Variants in SF3A2 observed in about 807,000 individuals in gnomAD.
SF3A2 encodes the protein SAP 62.
Under a neutral mutation model 31.1 loss-of-function variants are expected in SF3A2, and 5 were observed. The ratio of observed to expected loss-of-function variants is 0.16; its 90% CI spans 0.08 to 0.34. The LOEUF is 0.34. Ranked by LOEUF, SF3A2 falls within the 10% of genes least tolerant of loss-of-function variation. The pLI, the probability that SF3A2 is intolerant of heterozygous loss-of-function variation, is 1.00. For synonymous variants in SF3A2, 365 were observed against 263.7 expected, an observed-to-expected ratio of 1.38 and a Z score of -3.72; for missense variants, 577 against 643.9, an observed-to-expected ratio of 0.90 and a Z score of 1.13.
chr19:2,244,693 C>T (rs117374034), intron 3 of SF3A2, 40 bp from the exon 4 acceptor site: 18,094 of 1,613,174 alleles, frequency 0.011, 114 homozygotes, highest in Non-Finnish European at 0.014. Context: ...TGTGTCTGTC[C>T]GCCCGGCCTC....
At chr19:2,244,836 T>G in intron 4 of SF3A2, 57 bp downstream of exon 4, 1 of 1,521,552 alleles carries the variant, frequency 6.6e-7, no homozygotes, top group Non-Finnish European at 9.0e-7. Context: ...GGCTCAAGTC[T>G]CTGTGAGCCT....
rs200207147 is a variant in SF3A2, at chr19:2,246,870, G to C, written c.406-12G>C. On this transcript the variant is annotated splice_polypyrimidine_tract_variant and intron_variant, in intron 6 of 8. Transcript: ENST00000221494. The surrounding 1 kb of genome is among the most constrained non-coding windows in gnomAD (Gnocchi z 5.5). ...CAAGAGGCGGCTCTGCCACCCGGCC[G>C]TGTCCCTGCAGATTGACTACCCTGA... is the stretch of plus-strand genomic sequence containing the variant. The C allele has an allele frequency of 1.9e-5, 31 of 1,612,382 alleles. No individual in the cohort carries two copies. Among genetic ancestry groups the C allele is most frequent in the Non-Finnish European group, 2.5e-5 (29 of 1,179,474 alleles).
chr19:2,237,824 C>G (rs1273423986), intron 1 of SF3A2: 3 of 152,170 alleles, frequency 2.0e-5, no homozygotes, highest in African/African-American at 7.2e-5. Flanking sequence ...TGCAGGTGCA[C>G]CCCGCTGTGA....
intron 1 of SF3A2, among the ~76,000 whole-genome samples, chr19:2,240,172 C>T (rs1440220619): frequency 6.6e-6 from 1 of 152,210 alleles, no homozygotes; most frequent in Non-Finnish European, 1.5e-5. Context: ...GGAAAAGACT[C>T]CTGGCCTCCC....
At position 2,245,920 on chromosome 19, in the gene SF3A2, G is replaced by T. The variant is rs1392674438; in HGVS notation, c.355+365G>T. ...CTTGAAGCCTTTGAAGGAGGACAGG[G>T]AGAAGCGGCTGTTAGAGGCAGCTCC... On this transcript the variant is annotated intron_variant, in intron 5 of 8. Coordinates refer to ENST00000221494, the MANE Select transcript of SF3A2 (RefSeq NM_007165.5). This position sits in a 1 kb window ranked among gnomAD's most constrained non-coding sequence, Gnocchi z 4.2. 1 of 266,214 alleles carries T rather than the reference G, an allele frequency of 3.8e-6. No individual in the cohort carries two copies. The highest frequency in any genetic ancestry group is 7.3e-6 in the Non-Finnish European group (1 of 137,470). 16.5% of individuals were successfully genotyped at this position (266,214 alleles called of 1,614,324 possible).
At chr19:2,239,072 C>G (rs2145005804) in intron 1 of SF3A2, among the ~76,000 whole-genome samples, 1 of 152,268 alleles carries the variant, frequency 6.6e-6, no homozygotes, top group Non-Finnish European at 1.5e-5. Flanking sequence ...GATTGAAAAT[C>G]TGTATTTGTA....
At chr19:2,243,714 C>T (rs1455481747) in intron 2 of SF3A2, among the ~76,000 whole-genome samples, 170 bp downstream of exon 2, 1 of 152,238 alleles carries the variant, frequency 6.6e-6, no homozygotes, top group Non-Finnish European at 1.5e-5. Flanking sequence ...ATCTGTCCAC[C>T]CCAGAGAGCA....
At chr19:2,237,359 A>G (rs2024835525) in intron 1 of SF3A2, 2 of 147,210 alleles carry the variant, frequency 1.4e-5, no homozygotes, top group Non-Finnish European at 3.0e-5. Flanking sequence ...GTGAGCCATG[A>G]TCCCACCACT....
intron 7 of SF3A2, 130 bp from the exon 8 acceptor site, chr19:2,247,464 T>G: frequency 1.2e-6 from 1 of 864,518 alleles, no homozygotes. Context: ...CCCACGAAAG[T>G]CTTACCAGCC....
In SF3A2 at chr19:2,243,475, C is replaced by T. The variant is rs1181186725; in HGVS notation, c.57C>T (p.Ser19=). The part of the protein sequence containing the change: ...GKTGSGGVAS[S]SESNRDRRER... ...CCGGGAGCGGGGGCGTGGCCTCCTCCTCCGAGAGCAACCGTGACCGCAGGG... is the reference window on the plus strand; with the variant it reads ...CCGGGAGCGGGGGCGTGGCCTCCTCTTCCGAGAGCAACCGTGACCGCAGGG... Residue 19 remains serine, a synonymous_variant, in exon 2 of 9, where the codon TCC becomes TCT. Coordinates refer to ENST00000221494, the MANE Select transcript of SF3A2 (RefSeq NM_007165.5). 2.6e-6 allele frequency: 4 copies of T among 1,554,336 alleles called. No homozygotes were observed. The East Asian group carries it at 7.5e-5, about 29-fold the overall frequency.
intron 3 of SF3A2, 29 bp from the exon 4 acceptor site, chr19:2,244,704 G>T (rs766811538): frequency 6.2e-7 from 1 of 1,613,860 alleles, no homozygotes; most frequent in South Asian, 1.1e-5. Flanking sequence ...GCCCGGCCTC[G>T]AGTCATGCGT....
Position 2,248,214 on chromosome 19 carries a change from C to T in SF3A2, c.1063C>T (p.Pro355Ser). ...AGCCCCCGGAGTCCACCCACCAGCC[C>T]CTGGGGTTCACCCACCAGCCCCAGG... The part of the protein sequence containing the change: ...PPAPGVHPPA[P>S]GVHPPAPGVH... Residue 355 changes from proline to serine, a missense_variant, in exon 9 of 9, where the codon CCT becomes TCT. By Grantham distance (74) the Pro-to-Ser change is moderately conservative. Coordinates refer to ENST00000221494, the MANE Select transcript of SF3A2 (RefSeq NM_007165.5). 2 of 1,469,016 alleles carry T rather than the reference C, an allele frequency of 1.4e-6. No individual in the cohort carries two copies. The highest frequency in any genetic ancestry group is 1.3e-5 in the South Asian group (1 of 77,672). The allele number at this position is 1,469,016 out of a possible 1,614,324, so 91.0% of individuals were successfully genotyped here. A position where few individuals can be genotyped will look rare whatever the true frequency, so the allele number is the denominator to read the frequency against.
At chr19:2,247,089 G>T in intron 7 of SF3A2, 67 bp downstream of exon 7, 1 of 1,553,102 alleles carries the variant, frequency 6.4e-7, no homozygotes, top group Non-Finnish European at 8.6e-7. Flanking sequence ...TGCATAGGCT[G>T]GGCAGGATGC....
chr19:2,248,153 T>A lies in SF3A2; in HGVS notation c.1002T>A (p.Pro334=). 1 of 1,335,312 alleles carries A rather than the reference T, an allele frequency of 7.5e-7. No individual in the cohort carries two copies. Among genetic ancestry groups the A allele is most frequent in the Non-Finnish European group, 1.0e-6 (1 of 980,002 alleles). 82.7% of individuals were successfully genotyped at this position (1,335,312 alleles called of 1,614,324 possible). ...PPTSGVHPPA[P]GVHPPAPGVH... Reference sequence around the variant, plus strand: ...CCTCTGGGGTCCACCCCCCAGCTCCTGGAGTCCACCCTCCAGCCCCCGGGG... The same window carrying A: ...CCTCTGGGGTCCACCCCCCAGCTCCAGGAGTCCACCCTCCAGCCCCCGGGG... Residue 334 remains proline (P), a synonymous_variant, in exon 9 of 9, where the codon CCT becomes CCA. Transcript: ENST00000221494.
intron 2 of SF3A2, among the ~76,000 whole-genome samples, chr19:2,243,752 G>A (rs1365729359): frequency 6.6e-6 from 1 of 152,244 alleles, no homozygotes; most frequent in African/African-American, 2.4e-5. Context: ...AGTCCCATGT[G>A]GACATGTTTT....
chr19:2,242,397 C>T (rs1020303853), intron 1 of SF3A2, among the ~76,000 whole-genome samples: 4 of 152,210 alleles, frequency 2.6e-5, no homozygotes, highest in Non-Finnish European at 5.9e-5. Context: ...GTGTGCCTTG[C>T]CTCGGGGCCC....
At chr19:2,243,339 G>A (rs1269478077) in intron 1 of SF3A2, 43 bp from the exon 2 acceptor site, 2 of 1,434,340 alleles carry the variant, frequency 1.4e-6, no homozygotes, top group East Asian at 2.7e-5. Context: ...CAGCAGCCCC[G>A]AGTTCTGAGC....
intron 3 of SF3A2, 28 bp from the exon 4 acceptor site, chr19:2,244,705 A>G: frequency 6.2e-7 from 1 of 1,613,906 alleles, no homozygotes; most frequent in Non-Finnish European, 8.5e-7. Flanking sequence ...CCCGGCCTCG[A>G]GTCATGCGTG....
rs1568389434 is a variant in SF3A2, at chr19:2,245,404, G to GT, written c.246-41dup. On this transcript the variant is annotated intron_variant, in intron 4 of 8. Transcript: ENST00000221494. The surrounding 1 kb of genome is among the most constrained non-coding windows in gnomAD (Gnocchi z 4.2). ...ACCTGGGCCCATGGCTTTGGTGCCT[G>GT]TGTGTGGAGGGGTCCCAGCAGCACC... 1 of 1,449,770 alleles carries GT rather than the reference G, an allele frequency of 6.9e-7. No individual in the cohort carries two copies. Among genetic ancestry groups the GT allele is most frequent in the African/African-American group, 1.4e-5 (1 of 71,180 alleles). 89.8% of individuals were successfully genotyped at this position (1,449,770 alleles called of 1,614,324 possible). A position where few individuals can be genotyped will look rare whatever the true frequency, so the allele number is the denominator to read the frequency against.
Sources: gnomAD v4.1 joint callset for allele counts (sites outside exome capture counted in the v4.1 genomes callset) on GRCh38, gnomAD v4.1.1 for gene constraint, Gnocchi (gnomAD v3.1) non-coding constraint, MANE v1.5 for transcripts, NCBI Gene and HGNC (gene_info 2026-07-23, HGNC 2026-07-21) for gene names.